TMEM117: variants seen among roughly 807,000 people sequenced by gnomAD.
The protein encoded by TMEM117 is transmembrane protein 117.
TMEM117 carries 27 observed loss-of-function variants against 52.4 expected under a neutral mutation model. The ratio of observed to expected loss-of-function variants is 0.51; its 90% CI spans 0.38 to 0.71. The LOEUF (loss-of-function observed/expected upper bound fraction) is 0.71, where lower values mean the gene tolerates loss of function less well. TMEM117 is among the 30% of genes least tolerant of loss of function. The pLI, the probability that TMEM117 is intolerant of heterozygous loss-of-function variation, is 0.00. For synonymous variants in TMEM117, 215 were observed against 206.3 expected, an observed-to-expected ratio of 1.04 and a Z score of -0.36; for missense variants, 556 against 630.5, an observed-to-expected ratio of 0.88 and a Z score of 1.26.
chr12:44,327,818 CAGTA>C (rs1951216624), intron 6 of TMEM117, among the ~76,000 whole-genome samples: 1 of 152,094 alleles, frequency 6.6e-6, no homozygotes, highest in Admixed American at 6.6e-5. Context: ...AGTTCCGAGT[CAGTA>C]AGAACTCCAC....
At chr12:44,008,842 G>A in intron 3 of TMEM117, 1 of 447,366 alleles carries the variant, frequency 2.2e-6, no homozygotes, top group South Asian at 1.8e-5. Flanking sequence ...TTTGGTATGT[G>A]TGTAGATTTG....
intron 3 of TMEM117, among the ~76,000 whole-genome samples, chr12:43,962,452 A>G (rs992140348): frequency 6.6e-6 from 1 of 152,232 alleles, no homozygotes; most frequent in African/African-American, 2.4e-5. Flanking sequence ...ATACTGATTT[A>G]AGTAACATAC....
chr12:43,957,467 A>G (rs552786474), intron 3 of TMEM117, among the ~76,000 whole-genome samples: 57 of 152,350 alleles, frequency 3.7e-4, no homozygotes, highest in Non-Finnish European at 6.6e-4. Flanking sequence ...GCTTGAGAAA[A>G]TGAGACATCA....
chr12:44,371,819 T>C (rs1466258805), intron 6 of TMEM117, among the ~76,000 whole-genome samples: 2 of 152,228 alleles, frequency 1.3e-5, no homozygotes, highest in Non-Finnish European at 1.5e-5. Flanking sequence ...AAATTTTGTG[T>C]CTATTGTGGC....
chr12:44,345,265 G>T (rs1223772071), intron 6 of TMEM117, among the ~76,000 whole-genome samples: 2 of 151,996 alleles, frequency 1.3e-5, no homozygotes, highest in Admixed American at 1.3e-4. Context: ...AATATTGAGG[G>T]TATTGTGTTG....
chr12:44,001,446 C>A (rs1453500967), intron 3 of TMEM117, among the ~76,000 whole-genome samples: 1 of 152,086 alleles, frequency 6.6e-6, no homozygotes, highest in African/African-American at 2.4e-5. Flanking sequence ...CTACTCCAGA[C>A]CAATTGAAGT....
At chr12:44,075,370 C>T (rs545882237) in intron 3 of TMEM117, among the ~76,000 whole-genome samples, 36 of 152,318 alleles carry the variant, frequency 2.4e-4, no homozygotes, top group Non-Finnish European at 4.3e-4. Flanking sequence ...GCTTCATGAG[C>T]ATGTGATCTG....
chr12:43,880,964 C>A (rs992491599), intron 2 of TMEM117, among the ~76,000 whole-genome samples: 1 of 152,124 alleles, frequency 6.6e-6, no homozygotes, highest in Non-Finnish European at 1.5e-5. Flanking sequence ...GTTCTTGTTA[C>A]CTGTGATTCA....
intron 2 of TMEM117, among the ~76,000 whole-genome samples, chr12:43,854,136 G>A (rs1206512968): frequency 6.6e-6 from 1 of 152,092 alleles, no homozygotes; most frequent in Non-Finnish European, 1.5e-5. Context: ...TTAAGTCAAC[G>A]AAAATATTTG....
intron 6 of TMEM117, among the ~76,000 whole-genome samples, chr12:44,333,013 CATT>C (rs1416783378): frequency 6.6e-6 from 1 of 151,998 alleles, no homozygotes; most frequent in Non-Finnish European, 1.5e-5. Context: ...TTTCTTAACA[CATT>C]ACATATTTTT....
intron 4 of TMEM117, among the ~76,000 whole-genome samples, chr12:44,182,265 G>T (rs1039311526): frequency 2.6e-5 from 4 of 152,106 alleles, no homozygotes; most frequent in African/African-American, 7.2e-5. Flanking sequence ...CTGAGACAAT[G>T]GGTTTTTCTA....
At chr12:43,797,614 T>C in the TMEM117 span, 1 of 1,475,876 alleles carries the variant, frequency 6.8e-7, no homozygotes, top group South Asian at 1.4e-5. Flanking sequence ...ATCAGAAAGC[T>C]ATTTAAAATG....
intron 3 of TMEM117, among the ~76,000 whole-genome samples, chr12:44,025,234 A>G (rs11182385): frequency 0.16 from 24,049 of 152,162 alleles, 2,840 homozygotes; most frequent in African/African-American, 0.33. Context: ...ACACAATGAA[A>G]CAGATGTCAA....
Position 43,888,539 on chromosome 12 carries a change from TTTTC to T in TMEM117, c.277+43615_277+43618del, listed in dbSNP as rs367716684. 3.7e-3 allele frequency among the ~76,000 whole-genome samples: 408 copies of T among 110,168 alleles called. 4 individuals carry two copies. Among genetic ancestry groups the T allele is most frequent in the African/African-American group, 0.011 (377 of 32,910 alleles). The allele number at this position is 110,168 out of a possible 152,430, so 72.3% of individuals were successfully genotyped here. ...TATTGTGTACTTTTGTGCACATTAGTTTTCTTTTTTTTTTTTTTTTTTTTTTGAG... is the reference window on the plus strand; with the variant it reads ...TATTGTGTACTTTTGTGCACATTAGTTTTTTTTTTTTTTTTTTTTTTTGAG... On this transcript the variant is annotated intron_variant, in intron 2 of 7. Transcript: ENST00000266534.
chr12:44,159,985 G>A (rs1179446810), intron 4 of TMEM117, among the ~76,000 whole-genome samples: 1 of 151,890 alleles, frequency 6.6e-6, no homozygotes, highest in African/African-American at 2.4e-5. Flanking sequence ...TTTCAAATCA[G>A]AGAGAGGATG....
intron 4 of TMEM117, among the ~76,000 whole-genome samples, chr12:44,200,150 AACAAAAT>A (rs1314962576): frequency 6.6e-6 from 1 of 152,110 alleles, no homozygotes; most frequent in African/African-American, 2.4e-5. Flanking sequence ...ACAAACAAAA[AACAAAAT>A]AGAAACAAAA....
chr12:43,910,296 C>T (rs568886078), intron 2 of TMEM117, among the ~76,000 whole-genome samples: 16 of 150,194 alleles, frequency 1.1e-4, no homozygotes, highest in Non-Finnish European at 2.1e-4. Context: ...ATTCAACAAC[C>T]CTTCATGCTA....
intron 3 of TMEM117, among the ~76,000 whole-genome samples, chr12:44,028,987 GATGATAC>G (rs1352940035): frequency 6.6e-6 from 1 of 152,152 alleles, no homozygotes; most frequent in African/African-American, 2.4e-5. Flanking sequence ...ACCCTGAAGG[GATGATAC>G]TGAGAGACCT....
At chr12:44,312,809 G>A (rs899518863) in intron 6 of TMEM117, among the ~76,000 whole-genome samples, 7 of 152,138 alleles carry the variant, frequency 4.6e-5, no homozygotes, top group Non-Finnish European at 5.9e-5. Context: ...TCTGACAGAT[G>A]TGAGATGGTA....
Sources: allele counts gnomAD v4.1 joint callset (sites outside exome capture counted in the v4.1 genomes callset), GRCh38; gene constraint gnomAD v4.1.1; transcripts MANE v1.5; gene names NCBI Gene and HGNC (gene_info 2026-07-23, HGNC 2026-07-21).